Variants in BTBD7 observed in about 807,000 individuals in gnomAD.
The protein encoded by BTBD7 is BTB/POZ domain-containing protein 7.
A neutral mutation model predicts 99.9 loss-of-function variants in BTBD7; 38 were observed. That is an observed-to-expected ratio of 0.38 (90% CI 0.29 to 0.50). The LOEUF is 0.50. Ranked by LOEUF, BTBD7 falls within the 20% of genes least tolerant of loss-of-function variation. The probability of loss-of-function intolerance (pLI) is 0.93; values close to 1 mark genes in which losing one functional copy is unlikely to be tolerated. For missense variants in BTBD7, 1,170 were observed against 1,394.6 expected (o/e 0.84, Z 2.57); for synonymous variants, 520 against 511.4 (o/e 1.02, Z -0.23).
At chr14:93,276,134 T>C (rs753662843) in intron 3 of BTBD7, among the ~76,000 whole-genome samples, 4 of 152,186 alleles carry the variant, frequency 2.6e-5, no homozygotes, top group Non-Finnish European at 4.4e-5. Flanking sequence ...GAGAATTGAT[T>C]GAGCTTGGGA....
Position 93,240,634 on chromosome 14 carries a change from G to A in BTBD7, c.*1639C>T, listed in dbSNP as rs374330163. 11 of 152,520 alleles carry A rather than the reference G, an allele frequency of 7.2e-5. No homozygotes were observed. The East Asian group carries it at 1.3e-3, about 19-fold the overall frequency. 9.4% of individuals were successfully genotyped at this position (152,520 alleles called of 1,614,324 possible). A position where few individuals can be genotyped will look rare whatever the true frequency, so the allele number is the denominator to read the frequency against. ...AAGCCTCTTTTCTTCTAAGTGCTAC[G>A]GCTGTGTGTTTATGTGTTTGTAAAA... On this transcript the variant is annotated 3_prime_UTR_variant, in exon 11 of 11. Coordinates refer to ENST00000334746, the MANE Select transcript of BTBD7 (RefSeq NM_001002860.4).
chr14:93,328,854 C>T (rs1050034970), intron 1 of BTBD7, among the ~76,000 whole-genome samples: 6 of 152,052 alleles, frequency 3.9e-5, no homozygotes, highest in African/African-American at 1.4e-4. Context: ...GAGTTCAAGG[C>T]TACTGTGAGC....
intron 8 of BTBD7, among the ~76,000 whole-genome samples, chr14:93,251,097 G>A (rs1016162376): frequency 6.6e-6 from 1 of 152,236 alleles, no homozygotes; most frequent in Non-Finnish European, 1.5e-5. Context: ...AAGGTTTTCA[G>A]AGAGGTGTGC....
rs1248891063 is a variant in BTBD7 at position 93,332,510 on chromosome 14, C to G, written c.-107+310G>C. Among the ~76,000 whole-genome samples the G allele has an allele frequency of 2.0e-5, 3 of 152,050 alleles. No individual in the cohort carries two copies. The East Asian group carries it at 5.8e-4, about 29-fold the overall frequency. On this transcript the variant is annotated intron_variant, in intron 1 of 10. Coordinates refer to ENST00000334746, the MANE Select transcript of BTBD7 (RefSeq NM_001002860.4). ...CGGAGCCCAAAGCCGGCCGGGCTGC[C>G]GTCGCGACTCCCTCGGGCCGCTCTC... is the stretch of plus-strand genomic sequence containing the variant.
chr14:93,300,704 TTGTGTGTGTG>T (rs57228905), intron 1 of BTBD7, among the ~76,000 whole-genome samples: 5,949 of 86,942 alleles, frequency 0.068, 390 homozygotes, highest in Non-Finnish European at 0.081. Flanking sequence ...CCCAGCTAAT[TTGTGTGTGTG>T]TGTGTGTGTG....
At chr14:93,287,865 C>T (rs2052798886) in intron 3 of BTBD7, 1 of 152,248 alleles carries the variant, frequency 6.6e-6, no homozygotes, top group African/African-American at 2.4e-5. Context: ...GAATACATTC[C>T]CAGCAGCTGC....
intron 1 of BTBD7, among the ~76,000 whole-genome samples, chr14:93,316,062 C>T (rs534020599): frequency 1.9e-3 from 283 of 151,544 alleles, no homozygotes; most frequent in African/African-American, 6.5e-3. Context: ...AGCAATTCTC[C>T]TGCCTCAGCC....
chr14:93,268,759 T>A (rs1385159102), intron 3 of BTBD7, among the ~76,000 whole-genome samples: 297 of 140,178 alleles, frequency 2.1e-3, no homozygotes, highest in African/African-American at 7.9e-3. Flanking sequence ...CTTAGACCTT[T>A]TTTTTTTTTT....
At chr14:93,278,159 T>C (rs1210423317) in intron 3 of BTBD7, among the ~76,000 whole-genome samples, 1 of 152,168 alleles carries the variant, frequency 6.6e-6, no homozygotes, top group Non-Finnish European at 1.5e-5. Context: ...ACGCCTCTAA[T>C]CCCAGCACTT....
chr14:93,329,054 T>C (rs911488112), intron 1 of BTBD7, among the ~76,000 whole-genome samples: 1 of 152,122 alleles, frequency 6.6e-6, no homozygotes, highest in Non-Finnish European at 1.5e-5. Context: ...TTAAAAACTG[T>C]GTGTACATCA....
At chr14:93,316,437 T>G (rs2053207639) in intron 1 of BTBD7, among the ~76,000 whole-genome samples, 1 of 151,964 alleles carries the variant, frequency 6.6e-6, no homozygotes, top group Non-Finnish European at 1.5e-5. Flanking sequence ...TTTTTTCTGT[T>G]GAGGTCTTGG....
At chr14:93,244,303 G>T in intron 10 of BTBD7, 1 of 244,944 alleles carries the variant, frequency 4.1e-6, no homozygotes, top group East Asian at 1.2e-4. Context: ...GAAGAGAAAG[G>T]GACAATTGAT....
chr14:93,309,701 T>C (rs1180320316), intron 1 of BTBD7, among the ~76,000 whole-genome samples: 8 of 152,124 alleles, frequency 5.3e-5, no homozygotes, highest in African/African-American at 1.2e-4. Flanking sequence ...GTGCTGTGTA[T>C]TGTTGAACAG....
At chr14:93,321,464 G>A (rs746254784) in intron 1 of BTBD7, among the ~76,000 whole-genome samples, 6 of 152,118 alleles carry the variant, frequency 3.9e-5, no homozygotes, top group East Asian at 1.9e-4. Context: ...GTGGTGGTGC[G>A]TGCCTGTAAT....
At chr14:93,279,549 T>G (rs920467067) in intron 3 of BTBD7, among the ~76,000 whole-genome samples, 2 of 152,122 alleles carry the variant, frequency 1.3e-5, no homozygotes, top group African/African-American at 4.8e-5. Context: ...GACTATCCTT[T>G]TCTTCTTTTT....
intron 3 of BTBD7, among the ~76,000 whole-genome samples, chr14:93,269,068 G>A (rs2052573863): frequency 6.6e-6 from 1 of 151,988 alleles, no homozygotes; most frequent in Non-Finnish European, 1.5e-5. Flanking sequence ...TCTAACTTAG[G>A]ACTTTTACTA....
intron 1 of BTBD7, among the ~76,000 whole-genome samples, chr14:93,331,903 G>T (rs889403302): frequency 3.4e-5 from 5 of 146,500 alleles, no homozygotes; most frequent in African/African-American, 1.3e-4. Flanking sequence ...AAGGTTGTTA[G>T]TTGAAAAAGC....
intron 1 of BTBD7, among the ~76,000 whole-genome samples, chr14:93,317,455 C>G (rs956226774): frequency 6.6e-6 from 1 of 151,778 alleles, no homozygotes; most frequent in Admixed American, 6.6e-5. Flanking sequence ...TGCACTACAG[C>G]ACTCAGCCTC....
At chr14:93,279,941 TG>T (rs1227389416) in intron 3 of BTBD7, among the ~76,000 whole-genome samples, 1 of 152,184 alleles carries the variant, frequency 6.6e-6, no homozygotes, top group Non-Finnish European at 1.5e-5. Flanking sequence ...TTTATTTGCT[TG>T]AAAACTAGGA....
Sources: gnomAD v4.1 joint callset for allele counts (sites outside exome capture counted in the v4.1 genomes callset) on GRCh38, gnomAD v4.1.1 for gene constraint, MANE v1.5 for transcripts, NCBI Gene and HGNC (gene_info 2026-07-23, HGNC 2026-07-21) for gene names.